The following PAM variants were observed in gnomAD, a reference collection of about 807,000 sequenced individuals.
PAM encodes the protein peptidylglycine alpha-amidating monooxygenase.
Under a neutral mutation model 122.1 loss-of-function variants are expected in PAM, and 72 were observed. That is an observed-to-expected ratio of 0.59 (90% confidence interval 0.49 to 0.72). The LOEUF (loss-of-function observed/expected upper bound fraction) is 0.72, where lower values mean the gene tolerates loss of function less well. Ranked by LOEUF, PAM falls within the 30% of genes least tolerant of loss-of-function variation. The pLI is 0.00. For synonymous variants in PAM, 389 were observed against 404.4 expected, an observed-to-expected ratio of 0.96 and a Z score of 0.46; for missense variants, 1,106 against 1,183.7, an observed-to-expected ratio of 0.93 and a Z score of 0.96.
In PAM at chr5:103,017,249, T is replaced by C. The variant is rs949794681; in HGVS notation, c.2332-85T>C. The C allele has an allele frequency of 1.0e-5, 9 of 867,828 alleles. No homozygotes were observed. The African/African-American group carries it at 1.5e-4, about 15-fold the overall frequency. 53.8% of individuals were successfully genotyped at this position (867,828 alleles called of 1,614,324 possible). ...AGTAATATGTTTTGTTGTTTTGTTG[T>C]GGGCTTTGCTTTGTTTTTCTGTCTT... On this transcript the variant is annotated intron_variant, in intron 21 of 25. Coordinates refer to ENST00000438793, the MANE Select transcript of PAM (RefSeq NM_001177306.2).
In PAM at chr5:102,986,718, G is replaced by A. The variant is rs531999002; in HGVS notation, c.1484-3554G>A. Among the ~76,000 whole-genome samples, 4 of 152,240 alleles carry A rather than the reference G, an allele frequency of 2.6e-5. No homozygotes were observed. The South Asian group carries it at 6.2e-4, about 24-fold the overall frequency. On this transcript the variant is annotated intron_variant, in intron 15 of 25. Coordinates refer to ENST00000438793, the MANE Select transcript of PAM (RefSeq NM_001177306.2). ...GAATTGTAGCTCCCACAATTCCCAT[G>A]TGTCATGGGAGGGACCCAGTGGGAC... is the stretch of plus-strand genomic sequence containing the variant.
intron 1 of PAM, among the ~76,000 whole-genome samples, chr5:102,795,054 G>A (rs1372707205): frequency 6.6e-6 from 1 of 151,708 alleles, no homozygotes; most frequent in Non-Finnish European, 1.5e-5. Context: ...GCTGGGAGTG[G>A]TGGTGGGCTC....
chr5:102,892,308 A>G (rs1486386029), intron 3 of PAM, among the ~76,000 whole-genome samples: 1 of 151,868 alleles, frequency 6.6e-6, no homozygotes, highest in Non-Finnish European at 1.5e-5. Flanking sequence ...AAAGAACCTG[A>G]TTACTTGATG....
At chr5:102,898,016 C>T (rs1203820697) in intron 3 of PAM, among the ~76,000 whole-genome samples, 4 of 151,592 alleles carry the variant, frequency 2.6e-5, no homozygotes, top group Non-Finnish European at 5.9e-5. Context: ...AGAGAACTAA[C>T]TCTTGGTTAA....
intron 1 of PAM, among the ~76,000 whole-genome samples, chr5:102,801,511 T>A (rs1348760380): frequency 1.3e-5 from 2 of 152,136 alleles, no homozygotes; most frequent in Non-Finnish European, 2.9e-5. Context: ...ACTGGCTGAT[T>A]AATTTAAATC....
chr5:102,961,138 G>C lies in PAM; in HGVS notation c.1091-20G>C. ...AATACATACTGCAAATTTATGCTCAGCTTCTTTGATCCTTTACAGAAACAG... is the reference window on the plus strand; with the variant it reads ...AATACATACTGCAAATTTATGCTCACCTTCTTTGATCCTTTACAGAAACAG... On this transcript the variant is annotated intron_variant, in intron 13 of 25. Coordinates refer to ENST00000438793, the MANE Select transcript of PAM (RefSeq NM_001177306.2). 1 of 1,346,616 alleles carries C rather than the reference G, an allele frequency of 7.4e-7. No homozygotes were observed. The highest frequency in any genetic ancestry group is 1.2e-5 in the South Asian group (1 of 84,878). The allele number at this position is 1,346,616 out of a possible 1,614,324, so 83.4% of individuals were successfully genotyped here. A position where few individuals can be genotyped will look rare whatever the true frequency, so the allele number is the denominator to read the frequency against.
intron 12 of PAM, among the ~76,000 whole-genome samples, chr5:102,959,243 T>C (rs1315853847): frequency 6.6e-6 from 1 of 152,092 alleles, no homozygotes; most frequent in African/African-American, 2.4e-5. Flanking sequence ...GAGTCATTCC[T>C]GAGGCATTCT....
chr5:102,774,870 T>A (rs1756750834), intron 1 of PAM, among the ~76,000 whole-genome samples: 1 of 152,068 alleles, frequency 6.6e-6, no homozygotes, highest in Admixed American at 6.6e-5. Context: ...AAGATAATTA[T>A]TTCAGTTAGT....
chr5:103,017,864 T>C (rs866496647), intron 22 of PAM, among the ~76,000 whole-genome samples: 1 of 152,168 alleles, frequency 6.6e-6, no homozygotes, highest in African/African-American at 2.4e-5. Context: ...TTTGGAAATA[T>C]TCAAAGAAGA....
intron 15 of PAM, among the ~76,000 whole-genome samples, chr5:102,983,513 G>A (rs757898222): frequency 2.0e-5 from 3 of 151,274 alleles, no homozygotes; most frequent in Admixed American, 6.6e-5. Context: ...GAAAGCCTAT[G>A]TAATATGATA....
chr5:102,817,797 C>A (rs1362855272), intron 1 of PAM, among the ~76,000 whole-genome samples: 1 of 151,938 alleles, frequency 6.6e-6, no homozygotes, highest in Non-Finnish European at 1.5e-5. Flanking sequence ...TTTTAGTAAA[C>A]CAAGTCCTCA....
chr5:102,863,693 A>AT (rs1784757438), intron 1 of PAM, among the ~76,000 whole-genome samples: 1 of 150,828 alleles, frequency 6.6e-6, no homozygotes, highest in Admixed American at 6.6e-5. Flanking sequence ...TATATTTAAA[A>AT]TTTTTAAATC....
Position 103,007,624 on chromosome 5 carries a change from G to C in PAM, c.2182G>C (p.Gly728Arg), listed in dbSNP as rs200453170. 654 of 1,612,238 alleles carry C rather than the reference G, an allele frequency of 4.1e-4. 1 individual carries two copies. The highest frequency in any genetic ancestry group is 9.5e-4 in the Admixed American group (57 of 59,954). Reference protein sequence around the residue: ...FVREIKHSSFGRNVFAISYIP... With the variant: ...FVREIKHSSFRRNVFAISYIP... The stretch of plus-strand genomic sequence containing the variant: ...GAGAGAGATTAAGCATTCATCATTT[G>C]GAAGAAATGTATTTGCAATTTCATA... Residue 728 changes from glycine (G) to arginine (R), a missense_variant, in exon 20 of 26, where the codon GGA (glycine) becomes CGA (arginine). Gly to Arg is a moderately radical substitution (Grantham distance 125). This residue lies in a region of PAM where 333 missense variants were observed against 335.6 expected (regional missense o/e 0.99). Coordinates refer to ENST00000438793, the MANE Select transcript of PAM (RefSeq NM_001177306.2).
At chr5:102,845,659 A>C (rs1779775620) in intron 1 of PAM, among the ~76,000 whole-genome samples, 1 of 152,200 alleles carries the variant, frequency 6.6e-6, no homozygotes, top group Admixed American at 6.5e-5. Context: ...TCAGGGGTAC[A>C]AATGTTTTCT....
chr5:102,869,953 A>G (rs1359536364), intron 3 of PAM, among the ~76,000 whole-genome samples: 2 of 152,162 alleles, frequency 1.3e-5, no homozygotes, highest in Admixed American at 1.3e-4. Context: ...AAAAAGGTCC[A>G]AGAAAATGGA....
chr5:102,831,108 C>T (rs1046707074), intron 1 of PAM, among the ~76,000 whole-genome samples: 62 of 152,034 alleles, frequency 4.1e-4, no homozygotes, highest in African/African-American at 1.4e-3. Context: ...ATCAAAGTCA[C>T]GTAGCTAGTT....
chr5:102,989,638 T>G (rs909141123), intron 15 of PAM: 2 of 152,182 alleles, frequency 1.3e-5, no homozygotes, highest in Non-Finnish European at 2.9e-5. Flanking sequence ...AAACCAAATA[T>G]GAACAGTGAA....
intron 3 of PAM, among the ~76,000 whole-genome samples, chr5:102,884,195 T>G (rs932680297): frequency 1.3e-5 from 2 of 151,816 alleles, no homozygotes; most frequent in Non-Finnish European, 2.9e-5. Context: ...TTGGGGAATA[T>G]ATGTTATTTT....
At chr5:102,957,271 G>A (rs950189824) in intron 12 of PAM, among the ~76,000 whole-genome samples, 1 of 152,038 alleles carries the variant, frequency 6.6e-6, no homozygotes. Flanking sequence ...CTAGCATTTT[G>A]TTTCTACCTA....
Sources: gnomAD v4.1 joint callset for allele counts (sites outside exome capture counted in the v4.1 genomes callset) on GRCh38, gnomAD v4.1.1 for gene constraint, gnomAD v4.1.1 regional missense constraint, MANE v1.5 for transcripts, NCBI Gene and HGNC (gene_info 2026-07-23, HGNC 2026-07-21) for gene names.